Variants in PGAP1 observed in about 807,000 individuals in gnomAD.
The protein encoded by PGAP1 is post-GPI attachment to proteins inositol deacylase 1.
In PGAP1, 76 loss-of-function variants were observed where a neutral mutation model predicts 127.0. The observed-to-expected ratio is 0.60, with a 90% CI of 0.50 to 0.72. The LOEUF is 0.72. Among genes scored for constraint, PGAP1 ranks in the 30% least tolerant of loss-of-function variants. The pLI, the probability that PGAP1 is intolerant of heterozygous loss-of-function variation, is 0.00. For missense variants in PGAP1, 982 were observed against 1,071.3 expected (o/e 0.92, Z 1.16); for synonymous variants, 362 against 366.5 (o/e 0.99, Z 0.14).
At chr2:196,873,653 A>G in intron 15 of PGAP1, 32 bp downstream of exon 15, 1 of 1,598,442 alleles carries the variant, frequency 6.3e-7, no homozygotes, top group Non-Finnish European at 8.6e-7. Flanking sequence ...AAGTAAAATC[A>G]AATCCTTTTT....
intron 20 of PGAP1, among the ~76,000 whole-genome samples, chr2:196,856,571 T>C (rs1003512100): frequency 1.3e-5 from 2 of 152,198 alleles, no homozygotes; most frequent in Admixed American, 1.3e-4. Context: ...AAGCTGAAAC[T>C]AGATGCATTT....
At chr2:196,872,158 T>A (rs892087777) in intron 18 of PGAP1, among the ~76,000 whole-genome samples, 2 of 152,222 alleles carry the variant, frequency 1.3e-5, no homozygotes, top group African/African-American at 4.8e-5. Context: ...ATAAAAAAGA[T>A]TCTGGACTTG....
intron 19 of PGAP1, among the ~76,000 whole-genome samples, chr2:196,867,183 CAT>C (rs748968153): frequency 6.6e-6 from 1 of 152,128 alleles, no homozygotes; most frequent in African/African-American, 2.4e-5. Context: ...CACATGCACA[CAT>C]ATGTTTACTG....
intron 12 of PGAP1, among the ~76,000 whole-genome samples, chr2:196,882,406 T>C (rs973058699): frequency 2.0e-5 from 3 of 152,242 alleles, no homozygotes; most frequent in African/African-American, 7.2e-5. Context: ...AGTAGTTTAA[T>C]AGAAATAACA....
At chr2:196,920,390 C>T (rs925238326) in intron 1 of PGAP1, among the ~76,000 whole-genome samples, 15 of 152,036 alleles carry the variant, frequency 9.9e-5, no homozygotes, top group Non-Finnish European at 2.9e-5. Context: ...AAGAGGACTA[C>T]GTGAACTTCT....
chr2:196,846,866 C>T (rs1265181301), intron 22 of PGAP1, 137 bp downstream of exon 22: 4 of 676,686 alleles, frequency 5.9e-6, no homozygotes, highest in Non-Finnish European at 9.7e-6. Flanking sequence ...TAACTTTGAA[C>T]ACTAACCCAT....
In PGAP1 at chr2:196,926,629, ACCGCCGCCG is replaced by A. The variant is rs745913420; in HGVS notation, c.-22_-14del. 35 of 1,607,506 alleles carry A rather than the reference ACCGCCGCCG, an allele frequency of 2.2e-5. No homozygotes were observed. The highest frequency in any genetic ancestry group is 1.7e-4 in the Middle Eastern group (1 of 5,994). Reference sequence around the variant, plus strand: ...AGTGAAGAAACATGGTGCCGCCACCACCGCCGCCGCCGCCGCCGCCCCCTCTACCTCCTT... The same window carrying A: ...AGTGAAGAAACATGGTGCCGCCACCACCGCCGCCGCCCCCTCTACCTCCTT... On this transcript the variant is annotated 5_prime_UTR_variant, in exon 1 of 27. Transcript: ENST00000354764.
Position 196,902,652 on chromosome 2 carries a change from T to C in PGAP1, c.740A>G (p.Tyr247Cys). 6.2e-7 allele frequency: 1 copy of C among 1,613,650 alleles called. No individual in the cohort carries two copies. Among genetic ancestry groups the C allele is most frequent in the Non-Finnish European group, 8.5e-7 (1 of 1,179,660 alleles). ...TLSVAGGFRDYQVRSGLTFLP... is the reference protein window; with the variant it reads ...TLSVAGGFRDCQVRSGLTFLP... ...AAAAGTCAATCCTGAACGAACTTGGTAATCCCGGAATCCTCCAGCTACAGA... is the reference window on the plus strand; with the variant it reads ...AAAAGTCAATCCTGAACGAACTTGGCAATCCCGGAATCCTCCAGCTACAGA... The change falls in exon 5 of 27, where the codon TAC becomes TGC. Residue 247 changes from tyrosine (Y) to cysteine (C), a missense_variant. Tyr to Cys is a radical substitution (Grantham distance 194). Coordinates refer to ENST00000354764, the MANE Select transcript of PGAP1 (RefSeq NM_024989.4).
chr2:196,870,379 C>A (rs1290752401), intron 19 of PGAP1, among the ~76,000 whole-genome samples: 1 of 151,628 alleles, frequency 6.6e-6, no homozygotes, highest in Non-Finnish European at 1.5e-5. Context: ...TCACTGCAAC[C>A]TCTGTCTCCC....
intron 20 of PGAP1, among the ~76,000 whole-genome samples, chr2:196,857,773 T>A (rs1355017292): frequency 6.6e-6 from 1 of 152,144 alleles, no homozygotes; most frequent in Non-Finnish European, 1.5e-5. Flanking sequence ...AGAAAAAAAT[T>A]TCTCTGAGAA....
intron 4 of PGAP1, among the ~76,000 whole-genome samples, chr2:196,912,512 G>A (rs1326144391): frequency 1.1e-4 from 16 of 150,432 alleles, no homozygotes; most frequent in African/African-American, 3.9e-4. Flanking sequence ...CCTGAGAGGT[G>A]GAGGTTGCAG....
chr2:196,845,610 A>C (rs574371189), intron 23 of PGAP1, among the ~76,000 whole-genome samples: 1 of 151,938 alleles, frequency 6.6e-6, no homozygotes, highest in African/African-American at 2.4e-5. Flanking sequence ...AAAATTTAAC[A>C]CTTGTAAAGA....
intron 20 of PGAP1, among the ~76,000 whole-genome samples, chr2:196,860,457 C>G (rs182355556): frequency 2.0e-4 from 30 of 152,180 alleles, no homozygotes; most frequent in Admixed American, 2.0e-3. Flanking sequence ...TCACTTCAAC[C>G]TGGGAGGCAG....
Position 196,834,879 on chromosome 2 carries a change from C to T in PGAP1, c.*6355G>A, listed in dbSNP as rs2125769227. 1 of 152,074 alleles carries T rather than the reference C, an allele frequency of 6.6e-6. No homozygotes were observed. Among genetic ancestry groups the T allele is most frequent in the Middle Eastern group, 3.4e-3 (1 of 294 alleles). The allele number at this position is 152,074 out of a possible 1,614,324, so 9.4% of individuals were successfully genotyped here. On this transcript the variant is annotated 3_prime_UTR_variant, in exon 27 of 27. Coordinates refer to ENST00000354764, the MANE Select transcript of PGAP1 (RefSeq NM_024989.4). The stretch of plus-strand genomic sequence containing the variant: ...TTAGGCCTTGTACACTATCTTTTTA[C>T]TAATAACACCTATGGTCCCCATTAG...
Position 196,880,160 on chromosome 2 carries a change from TAAAA to T in PGAP1, c.1273-11_1273-8del. ...GAAGTCTTAATGTCAGATACTAAAA[TAAAA>T]AAAAAAGAAACTACTTTTATTTCTT... On this transcript the variant is annotated splice_polypyrimidine_tract_variant and splice_region_variant and intron_variant, in intron 12 of 26. Transcript: ENST00000354764. The T allele has an allele frequency of 1.5e-6, 2 of 1,357,324 alleles. No individual in the cohort carries two copies. The highest frequency in any genetic ancestry group is 1.4e-5 in the South Asian group (1 of 70,052). 84.1% of individuals were successfully genotyped at this position (1,357,324 alleles called of 1,614,324 possible).
chr2:196,922,337 A>G, intron 1 of PGAP1: 4 of 979,522 alleles, frequency 4.1e-6, no homozygotes, highest in Non-Finnish European at 4.9e-6. Flanking sequence ...AACCAAAAAG[A>G]AAAAAGATTT....
chr2:196,834,866 C>T lies in PGAP1; in HGVS notation c.*6368G>A, dbSNP rs1021934342. 4 of 151,906 alleles carry T rather than the reference C, an allele frequency of 2.6e-5. No homozygotes were observed. Among genetic ancestry groups the T allele is most frequent in the African/African-American group, 9.7e-5 (4 of 41,414 alleles). The allele number at this position is 151,906 out of a possible 1,614,324, so 9.4% of individuals were successfully genotyped here. A position where few individuals can be genotyped will look rare whatever the true frequency, so the allele number is the denominator to read the frequency against. On this transcript the variant is annotated 3_prime_UTR_variant, in exon 27 of 27. Transcript: ENST00000354764. ...ATGTAAACTGAACTTAGGCCTTGTA[C>T]ACTATCTTTTTACTAATAACACCTA...
At chr2:196,899,178 C>T (rs894035751) in intron 5 of PGAP1, among the ~76,000 whole-genome samples, 5 of 152,044 alleles carry the variant, frequency 3.3e-5, no homozygotes, top group Non-Finnish European at 5.9e-5. Context: ...ATCAAAGAGA[C>T]AAGGAGCTGC....
Position 196,835,961 on chromosome 2 carries a change from T to C in PGAP1, c.*5273A>G, listed in dbSNP as rs995107470. On this transcript the variant is annotated 3_prime_UTR_variant, in exon 27 of 27. Coordinates refer to ENST00000354764, the MANE Select transcript of PGAP1 (RefSeq NM_024989.4). ...ACATTTTTTACTAGTAACATCACTA[T>C]TGTATAAATATTAAAAACAAAAATG... The C allele has an allele frequency of 1.3e-5, 2 of 152,064 alleles. No individual in the cohort carries two copies. Among genetic ancestry groups the C allele is most frequent in the African/African-American group, 2.4e-5 (1 of 41,444 alleles). The allele number at this position is 152,064 out of a possible 1,614,324, so 9.4% of individuals were successfully genotyped here.
Sources: allele counts gnomAD v4.1 joint callset (sites outside exome capture counted in the v4.1 genomes callset), GRCh38; gene constraint gnomAD v4.1.1; transcripts MANE v1.5; gene names NCBI Gene and HGNC (gene_info 2026-07-23, HGNC 2026-07-21).